GRK3: variants seen among roughly 807,000 people sequenced by gnomAD.
GRK3 encodes G protein-coupled receptor kinase 3, also known as adrenergic, beta, receptor kinase 2.
GRK3 carries 54 observed loss-of-function variants against 95.7 expected under a neutral mutation model. The observed-to-expected ratio is 0.56, with a 90% CI of 0.45 to 0.71. The LOEUF is 0.71. GRK3 is among the 30% of genes least tolerant of loss of function. GRK3 has a pLI of 0.00. For missense variants in GRK3, 649 were observed against 851.2 expected (o/e 0.76, Z 2.96); for synonymous variants, 281 against 290.8 (o/e 0.97, Z 0.34).
intron 13 of GRK3, 28 bp downstream of exon 13, chr22:25,695,242 T>G: frequency 6.6e-7 from 1 of 1,515,482 alleles, no homozygotes; most frequent in Non-Finnish European, 9.2e-7. Context: ...CTTCTAGTGC[T>G]GTCCTCATGG....
At chr22:25,573,866 T>C (rs1472187238) in intron 1 of GRK3, among the ~76,000 whole-genome samples, 1 of 152,098 alleles carries the variant, frequency 6.6e-6, no homozygotes, top group Non-Finnish European at 1.5e-5. Flanking sequence ...GCTATTGCAC[T>C]CCAGTCCGTG....
At chr22:25,643,354 C>A (rs1038288086) in intron 2 of GRK3, among the ~76,000 whole-genome samples, 1 of 152,134 alleles carries the variant, frequency 6.6e-6, no homozygotes, top group African/African-American at 2.4e-5. Flanking sequence ...TTTGAGTGAA[C>A]GAACACTTAC....
At chr22:25,710,783 G>A (rs907347505) in intron 16 of GRK3, among the ~76,000 whole-genome samples, 3 of 152,206 alleles carry the variant, frequency 2.0e-5, no homozygotes, top group African/African-American at 4.8e-5. Context: ...TGAGCTGGAC[G>A]GATATGCAGT....
chr22:25,576,483 G>A (rs1428754749), intron 1 of GRK3, among the ~76,000 whole-genome samples: 1 of 152,168 alleles, frequency 6.6e-6, no homozygotes, highest in African/African-American at 2.4e-5. Flanking sequence ...GCCATTTCTT[G>A]GCCATTTGTG....
intron 8 of GRK3, among the ~76,000 whole-genome samples, chr22:25,674,773 C>T (rs573192015): frequency 6.6e-6 from 1 of 152,100 alleles, no homozygotes; most frequent in East Asian, 1.9e-4. Context: ...CAGGGTGAAA[C>T]CCCGTTTCTA....
chr22:25,718,391 A>G lies in GRK3; in HGVS notation c.1791+10A>G. ...AGAGGGAGAGTCCCGGGTAAGTCTA[A>G]GGCAGCCTCACCGAGCATGTTTCCC... On this transcript the variant is annotated intron_variant, in intron 19 of 20. Transcript: ENST00000324198. 1 of 1,613,702 alleles carries G rather than the reference A, an allele frequency of 6.2e-7. No individual in the cohort carries two copies. Among genetic ancestry groups the G allele is most frequent in the Non-Finnish European group, 8.5e-7 (1 of 1,179,754 alleles).
chr22:25,690,031 A>G (rs1404643414), intron 11 of GRK3, among the ~76,000 whole-genome samples, 158 bp from the exon 12 acceptor site: 1 of 152,220 alleles, frequency 6.6e-6, no homozygotes, highest in Admixed American at 6.5e-5. Flanking sequence ...TATTCTCAGT[A>G]TCATGCCCCA....
intron 2 of GRK3, among the ~76,000 whole-genome samples, chr22:25,623,759 G>A (rs116489875): frequency 1.8e-3 from 275 of 152,216 alleles, no homozygotes; most frequent in African/African-American, 6.2e-3. Context: ...CCTCGCTGAT[G>A]CCTTCTCGTC....
At position 25,653,288 on chromosome 22, in the gene GRK3, A is replaced by G. The variant is rs118170497; in HGVS notation, c.265-8288A>G. Among the ~76,000 whole-genome samples, 438 of 152,334 alleles carry G rather than the reference A, an allele frequency of 2.9e-3. 3 individuals carry two copies. Among genetic ancestry groups the G allele is most frequent in the African/African-American group, 9.3e-3 (386 of 41,584 alleles). On this transcript the variant is annotated intron_variant, in intron 3 of 20. Coordinates refer to ENST00000324198, the MANE Select transcript of GRK3 (RefSeq NM_005160.4). The stretch of plus-strand genomic sequence containing the variant: ...TGGATAAAGAACCAACCCTCCCCCA[A>G]TATACTGCTTACAAGAGATATAAAC...
intron 2 of GRK3, among the ~76,000 whole-genome samples, chr22:25,619,568 C>G (rs919589421): frequency 6.6e-6 from 1 of 151,632 alleles, no homozygotes; most frequent in East Asian, 1.9e-4. Context: ...ACTGCTGCCT[C>G]GAACTCCTGG....
chr22:25,675,785 T>C (rs532816165), intron 8 of GRK3, among the ~76,000 whole-genome samples: 72 of 152,370 alleles, frequency 4.7e-4, no homozygotes, highest in African/African-American at 1.7e-3. Flanking sequence ...TTTTGAGGAC[T>C]GAAATTTACC....
In GRK3 at chr22:25,725,198, A is replaced by G. The variant is rs1263678417; in HGVS notation, c.*2748A>G. 5.5e-6 allele frequency: 1 copy of G among 181,222 alleles called. No individual in the cohort carries two copies. Among genetic ancestry groups the G allele is most frequent in the East Asian group, 1.3e-4 (1 of 7,584 alleles). The allele number at this position is 181,222 out of a possible 1,614,324, so 11.2% of individuals were successfully genotyped here. Reference sequence around the variant, plus strand: ...ACATAATTCCTAGATGTTCACCCTTATTACACTCCAACTATTAAAAAGGTC... The same window carrying G: ...ACATAATTCCTAGATGTTCACCCTTGTTACACTCCAACTATTAAAAAGGTC... On this transcript the variant is annotated 3_prime_UTR_variant, in exon 21 of 21. Transcript: ENST00000324198.
intron 1 of GRK3, among the ~76,000 whole-genome samples, chr22:25,596,142 G>T (rs1326559842): frequency 6.6e-6 from 1 of 152,182 alleles, no homozygotes; most frequent in Non-Finnish European, 1.5e-5. Context: ...GGAATAGGTA[G>T]TACATTGCTA....
chr22:25,635,805 G>C (rs1173644103), intron 2 of GRK3, among the ~76,000 whole-genome samples: 1 of 152,154 alleles, frequency 6.6e-6, no homozygotes, highest in Non-Finnish European at 1.5e-5. Flanking sequence ...TTTGCACTAC[G>C]TAAATATTCT....
intron 2 of GRK3, among the ~76,000 whole-genome samples, chr22:25,639,801 AGTAT>A (rs2084729851): frequency 6.6e-6 from 1 of 152,154 alleles, no homozygotes; most frequent in African/African-American, 2.4e-5. Flanking sequence ...CCATGAACTG[AGTAT>A]GTATTTCCAT....
intron 15 of GRK3, 98 bp downstream of exon 15, chr22:25,704,307 T>G: frequency 1.2e-5 from 10 of 832,566 alleles, no homozygotes; most frequent in Non-Finnish European, 1.9e-5. Context: ...CATTAAAATC[T>G]TCCATTTTGA....
At chr22:25,601,368 C>G (rs2084408670) in intron 1 of GRK3, among the ~76,000 whole-genome samples, 1 of 152,108 alleles carries the variant, frequency 6.6e-6, no homozygotes, top group African/African-American at 2.4e-5. Flanking sequence ...AACTGGAAAT[C>G]TCCAAGTATT....
chr22:25,647,923 C>T, intron 3 of GRK3: 1 of 521,566 alleles, frequency 1.9e-6, no homozygotes, highest in South Asian at 1.9e-5. Flanking sequence ...CTAGCCTGGC[C>T]AACATGGTGA....
At chr22:25,658,826 G>A (rs2146398528) in intron 3 of GRK3, among the ~76,000 whole-genome samples, 1 of 152,156 alleles carries the variant, frequency 6.6e-6, no homozygotes, top group Non-Finnish European at 1.5e-5. Context: ...TAAGCAACTG[G>A]GAGGATGATT....
Sources: allele counts gnomAD v4.1 joint callset (sites outside exome capture counted in the v4.1 genomes callset), GRCh38; gene constraint gnomAD v4.1.1; transcripts MANE v1.5; gene names NCBI Gene and HGNC (gene_info 2026-07-23, HGNC 2026-07-21).